MAP4: variants seen among roughly 807,000 people sequenced by gnomAD.
MAP4 encodes microtubule-associated protein 4.
A neutral mutation model predicts 170.2 loss-of-function variants in MAP4; 76 were observed. That is an observed-to-expected ratio of 0.45 (90% CI 0.37 to 0.54). The LOEUF is 0.54. Ranked by LOEUF, MAP4 falls within the 20% of genes least tolerant of loss-of-function variation. The pLI is 0.00. For missense variants in MAP4, 2,506 were observed against 2,748.0 expected, an observed-to-expected ratio of 0.91 and a Z score of 1.97; for synonymous variants, 909 against 994.5, an observed-to-expected ratio of 0.91 and a Z score of 1.62.
chr3:47,894,186 C>CT (rs2100025577), intron 10 of MAP4, among the ~76,000 whole-genome samples: 1 of 152,164 alleles, frequency 6.6e-6, no homozygotes, highest in Non-Finnish European at 1.5e-5. Flanking sequence ...GGCAAGGAAC[C>CT]TGGTTTCCAT....
At position 48,035,936 on chromosome 3, in the gene MAP4, TC is replaced by T. The variant is rs554379608; in HGVS notation, c.-19-37058del. Among the ~76,000 whole-genome samples, 8 of 150,770 alleles carry T rather than the reference TC, an allele frequency of 5.3e-5. No individual in the cohort carries two copies. The East Asian group carries it at 1.6e-3, about 29-fold the overall frequency. On this transcript the variant is annotated intron_variant, in intron 1 of 18. Transcript: ENST00000360240. ...GCCTGGGCGACAGAGCGAGACTCCA[TC>T]CCCCCCTCTCAAAAAAAAACAGCAG...
At position 47,855,367 on chromosome 3, in the gene MAP4, C is replaced by T. The variant is rs2053757249; in HGVS notation, c.6584-7G>A. On this transcript the variant is annotated splice_polypyrimidine_tract_variant and splice_region_variant and intron_variant, in intron 18 of 20. Transcript: ENST00000683076. This position sits in a 1 kb window ranked among gnomAD's most constrained non-coding sequence, Gnocchi z 5.1. The stretch of plus-strand genomic sequence containing the variant: ...ATCTTGACATCTCCTCCACCTGGAA[C>T]CACAAAGGAACTGGTCACCTAGGGT... 1.3e-6 allele frequency: 2 copies of T among 1,580,412 alleles called. No homozygotes were observed. Among genetic ancestry groups the T allele is most frequent in the African/African-American group, 2.7e-5 (2 of 74,224 alleles).
intron 10 of MAP4, among the ~76,000 whole-genome samples, chr3:47,902,113 C>T (rs1372834090): frequency 6.6e-6 from 1 of 152,140 alleles, no homozygotes; most frequent in African/African-American, 2.4e-5. Flanking sequence ...GTGATCATGC[C>T]ACTGCACTTC....
chr3:48,040,194 G>A lies in MAP4; in HGVS notation c.-19-41315C>T, dbSNP rs908814040. Reference sequence around the variant, plus strand: ...TTCATAAGAACATTCTACAATCCACGCTTCTACTCCTTGCTATTACAAGCC... The same window carrying A: ...TTCATAAGAACATTCTACAATCCACACTTCTACTCCTTGCTATTACAAGCC... On this transcript the variant is annotated intron_variant, in intron 1 of 18. Coordinates refer to the MAP4 transcript ENST00000360240. 3.3e-5 allele frequency among the ~76,000 whole-genome samples: 5 copies of A among 152,092 alleles called. No individual in the cohort carries two copies. In the East Asian group the frequency reaches 7.7e-4, roughly 23 times the overall value.
At chr3:48,028,914 G>A (rs977114238) in intron 1 of MAP4, among the ~76,000 whole-genome samples, 5 of 152,112 alleles carry the variant, frequency 3.3e-5, no homozygotes, top group Non-Finnish European at 5.9e-5. Flanking sequence ...AGGCCGAGGC[G>A]GGCAGATCGC....
chr3:48,021,382 G>A (rs2100110494), upstream of MAP4, among the ~76,000 whole-genome samples: 2 of 151,552 alleles, frequency 1.3e-5, no homozygotes, highest in South Asian at 4.1e-4. Flanking sequence ...GTCTCACTCT[G>A]TTGCCCAGGC....
Position 47,998,832 on chromosome 3 carries a change from A to G in MAP4, c.29T>C (p.Leu10Ser). The G allele has an allele frequency of 6.2e-7, 1 of 1,614,192 alleles. No homozygotes were observed. Among genetic ancestry groups the G allele is most frequent in the Non-Finnish European group, 8.5e-7 (1 of 1,179,992 alleles). ...CTCAATGTCTGGAGATGGTTCTGTT[A>G]ATGCATCTGCAAGACTGAGGTCAGC... MADLSLADA[L>S]TEPSPDIEGE... Residue 10 changes from leucine to serine, a missense_variant, in exon 2 of 21, where the codon TTA (leucine) becomes TCA (serine). Transcript: ENST00000683076.
intron 1 of MAP4, among the ~76,000 whole-genome samples, chr3:48,081,531 A>C (rs1226387670): frequency 6.6e-6 from 1 of 152,070 alleles, no homozygotes; most frequent in Non-Finnish European, 1.5e-5. Context: ...TCATATATAT[A>C]TTAGAGTTGA....
rs2100034935 is a variant in MAP4 at position 47,909,672 on chromosome 3, G to A, written c.4749C>T (p.Asp1583=). ...CTCTGGCCTCTCCTGGTAGGCTCTG[G>A]TCTTCTACTGGCACTCCAGGAAGGA... ...GHLLPGVPVE[D]QSLPGEARAL... The change falls in exon 9 of 21, where the codon GAC becomes GAT. Residue 1583 remains aspartate, a synonymous_variant. Transcript: ENST00000683076. The A allele has an allele frequency of 6.2e-7, 1 of 1,613,964 alleles. No homozygotes were observed. Among genetic ancestry groups the A allele is most frequent in the East Asian group, 2.2e-5 (1 of 44,882 alleles).
At chr3:48,061,651 C>T (rs1309136923) in intron 1 of MAP4, among the ~76,000 whole-genome samples, 1 of 152,210 alleles carries the variant, frequency 6.6e-6, no homozygotes, top group African/African-American at 2.4e-5. Flanking sequence ...GCCTGGCCGC[C>T]CATCGTCTGG....
intron 3 of MAP4, among the ~76,000 whole-genome samples, chr3:47,967,547 C>A (rs2100075834): frequency 1.3e-5 from 2 of 152,024 alleles, no homozygotes; most frequent in African/African-American, 2.4e-5. Flanking sequence ...GGCTACTCGG[C>A]AGGGTGAGGC....
Position 47,928,115 on chromosome 3 carries a change from G to T in MAP4, c.415+113C>A. 4 of 1,284,248 alleles carry T rather than the reference G, an allele frequency of 3.1e-6. No individual in the cohort carries two copies. In the African/African-American group the frequency reaches 4.5e-5, roughly 14 times the overall value. The allele number at this position is 1,284,248 out of a possible 1,614,324, so 79.6% of individuals were successfully genotyped here. A position where few individuals can be genotyped will look rare whatever the true frequency, so the allele number is the denominator to read the frequency against. Reference sequence around the variant, plus strand: ...AAAGGGACAAACCAATGCTAAGGTTGTACTTTGTGATCTATACTTAAGCTA... The same window carrying T: ...AAAGGGACAAACCAATGCTAAGGTTTTACTTTGTGATCTATACTTAAGCTA... On this transcript the variant is annotated intron_variant, in intron 4 of 20. Coordinates refer to ENST00000683076, the MANE Select transcript of MAP4 (RefSeq NM_001385682.1).
At chr3:47,969,012 C>A (rs1197856699) in intron 3 of MAP4, among the ~76,000 whole-genome samples, 3 of 152,094 alleles carry the variant, frequency 2.0e-5, no homozygotes, top group Non-Finnish European at 4.4e-5. Flanking sequence ...TTTCTAGAAA[C>A]ATAAAAACTA....
intron 3 of MAP4, among the ~76,000 whole-genome samples, chr3:47,950,460 G>A (rs976049038): frequency 1.3e-5 from 2 of 152,096 alleles, no homozygotes; most frequent in African/African-American, 4.8e-5. Flanking sequence ...GCAAGATCGT[G>A]GCAATAATAT....
chr3:48,033,384 T>C (rs1458450939), intron 1 of MAP4, among the ~76,000 whole-genome samples: 3 of 152,240 alleles, frequency 2.0e-5, no homozygotes, highest in Non-Finnish European at 4.4e-5. Flanking sequence ...ACTATGCTTC[T>C]ACAGTTAGTA....
At chr3:47,879,178 T>A (rs2096166039) in intron 10 of MAP4, among the ~76,000 whole-genome samples, 1 of 151,846 alleles carries the variant, frequency 6.6e-6, no homozygotes. Context: ...AATCTCTGAA[T>A]GTGAAAAAAT....
chr3:47,897,082 G>A (rs557329319), intron 10 of MAP4, among the ~76,000 whole-genome samples: 10 of 152,192 alleles, frequency 6.6e-5, no homozygotes, highest in African/African-American at 2.4e-4. Flanking sequence ...TTCCCAAACC[G>A]CTGAGCAAAA....
chr3:47,936,873 G>A (rs1383893749), intron 3 of MAP4, among the ~76,000 whole-genome samples: 1 of 151,630 alleles, frequency 6.6e-6, no homozygotes. Context: ...CCAGCTACTC[G>A]GGAGGCTGAG....
At chr3:47,929,627 CAAAAAAA>C (rs71070242) in intron 3 of MAP4, among the ~76,000 whole-genome samples, 2 of 11,206 alleles carry the variant, frequency 1.8e-4, no homozygotes, top group Admixed American at 1.5e-3. Flanking sequence ...ACTTATTATG[CAAAAAAA>C]AAAAAAAAAA....
Sources: allele counts gnomAD v4.1 joint callset (sites outside exome capture counted in the v4.1 genomes callset), GRCh38; gene constraint gnomAD v4.1.1; non-coding constraint Gnocchi (gnomAD v3.1); transcripts MANE v1.5; gene names NCBI Gene and HGNC (gene_info 2026-07-23, HGNC 2026-07-21).